The following CTNNA2 variants were observed in gnomAD, a reference collection of about 807,000 sequenced individuals.
The protein encoded by CTNNA2 is catenin alpha 2, also known as catenin alpha-2.
A neutral mutation model predicts 101.0 loss-of-function variants in CTNNA2; 42 were observed. That is an observed-to-expected ratio of 0.42 (90% CI 0.32 to 0.54). The LOEUF (loss-of-function observed/expected upper bound fraction) is 0.54, where lower values mean the gene tolerates loss of function less well. Ranked by LOEUF, CTNNA2 falls within the 20% of genes least tolerant of loss-of-function variation. The probability of loss-of-function intolerance (pLI) is 0.14; values close to 1 mark genes in which losing one functional copy is unlikely to be tolerated. For synonymous variants in CTNNA2, 450 were observed against 456.4 expected (o/e 0.99, Z 0.18); for missense variants, 871 against 1,223.1 (o/e 0.71, Z 4.29).
rs559857792 is a variant in CTNNA2, at chr2:80,102,742, C to G, written c.1056+192945C>G. On this transcript the variant is annotated intron_variant, in intron 7 of 18. Coordinates refer to ENST00000402739, the MANE Select transcript of CTNNA2 (RefSeq NM_001282597.3). ...GCTCAGGCTGGTCTTGAACTCCTGA[C>G]TTCAAGTGATCCGCCAGCCTCAGCC... Among the ~76,000 whole-genome samples the G allele has an allele frequency of 2.6e-5, 4 of 152,208 alleles. No homozygotes were observed. The South Asian group carries it at 8.3e-4, about 32-fold the overall frequency.
chr2:80,124,434 A>G (rs1702008256), intron 7 of CTNNA2, among the ~76,000 whole-genome samples: 1 of 152,162 alleles, frequency 6.6e-6, no homozygotes, highest in Non-Finnish European at 1.5e-5. Context: ...AGAGTCCTTA[A>G]AAGAATTTCC....
chr2:80,369,292 G>C (rs1675236604), intron 7 of CTNNA2, among the ~76,000 whole-genome samples: 1 of 151,996 alleles, frequency 6.6e-6, no homozygotes, highest in Non-Finnish European at 1.5e-5. Context: ...CGTTTAGAAA[G>C]GACACTTAAA....
At chr2:79,646,554 G>T (rs1270712373) in intron 1 of CTNNA2, among the ~76,000 whole-genome samples, 6 of 136,826 alleles carry the variant, frequency 4.4e-5, no homozygotes, top group African/African-American at 1.7e-4. Context: ...TTTGAGAAAG[G>T]ATCTCATTCT....
intron 2 of CTNNA2, among the ~76,000 whole-genome samples, chr2:79,241,141 T>C (rs1234569197): frequency 1.3e-5 from 2 of 152,218 alleles, no homozygotes; most frequent in African/African-American, 4.8e-5. Flanking sequence ...ATTGATCCAT[T>C]GTATTCATTA....
intron 3 of CTNNA2, among the ~76,000 whole-genome samples, chr2:79,330,829 T>A (rs1676854960): frequency 1.3e-5 from 2 of 152,194 alleles, no homozygotes; most frequent in African/African-American, 4.8e-5. Flanking sequence ...CATGTGGAAC[T>A]GTAAGTCAAT....
chr2:80,438,515 T>C (rs1285279551), intron 9 of CTNNA2, among the ~76,000 whole-genome samples: 2 of 152,222 alleles, frequency 1.3e-5, no homozygotes, highest in African/African-American at 4.8e-5. Flanking sequence ...TTACTCATTA[T>C]TTATGCCAAT....
intron 12 of CTNNA2, chr2:80,573,219 T>C (rs998966272): frequency 7.9e-5 from 12 of 152,170 alleles, no homozygotes; most frequent in African/African-American, 2.9e-4. Context: ...GCTGAGAAAA[T>C]TGAATTATAA....
At chr2:79,234,447 C>T (rs1262961494) in intron 2 of CTNNA2, among the ~76,000 whole-genome samples, 1 of 152,168 alleles carries the variant, frequency 6.6e-6, no homozygotes, top group African/African-American at 2.4e-5. Context: ...ACCTACCTTT[C>T]TCTCTAGCTG....
intron 4 of CTNNA2, among the ~76,000 whole-genome samples, chr2:79,394,306 C>G (rs1319323396): frequency 6.6e-6 from 1 of 152,304 alleles, no homozygotes; most frequent in African/African-American, 2.4e-5. Flanking sequence ...CTCCTGGCAG[C>G]ACAGCTGCTT....
At chr2:80,196,120 T>A (rs1706814699) in intron 7 of CTNNA2, among the ~76,000 whole-genome samples, 1 of 152,190 alleles carries the variant, frequency 6.6e-6, no homozygotes, top group Non-Finnish European at 1.5e-5. Flanking sequence ...TCTTTTTTTG[T>A]AAAATGCATG....
intron 7 of CTNNA2, among the ~76,000 whole-genome samples, chr2:80,000,497 T>A (rs1692868945): frequency 6.6e-6 from 1 of 152,144 alleles, no homozygotes; most frequent in Non-Finnish European, 1.5e-5. Context: ...GACAGCATTT[T>A]AAAAAACTCT....
At chr2:80,571,517 A>G (rs1013935114) in intron 12 of CTNNA2, among the ~76,000 whole-genome samples, 1 of 152,228 alleles carries the variant, frequency 6.6e-6, no homozygotes, top group African/African-American at 2.4e-5. Context: ...GGTAACTACT[A>G]TATTTAAAGT....
At chr2:80,496,472 C>A (rs1241892684) in intron 9 of CTNNA2, among the ~76,000 whole-genome samples, 1 of 148,880 alleles carries the variant, frequency 6.7e-6, no homozygotes, top group East Asian at 2.0e-4. Context: ...ATGAGAGGAA[C>A]GTGACTTGGA....
chr2:79,330,474 G>T (rs922049485), intron 3 of CTNNA2, among the ~76,000 whole-genome samples: 13 of 152,118 alleles, frequency 8.5e-5, no homozygotes, highest in African/African-American at 2.9e-4. Flanking sequence ...CCCTGACTTT[G>T]TCTCCTCAGC....
chr2:79,934,951 A>G (rs1029225980), intron 7 of CTNNA2, among the ~76,000 whole-genome samples: 1 of 152,240 alleles, frequency 6.6e-6, no homozygotes, highest in African/African-American at 2.4e-5. Flanking sequence ...ATAGGGCTCA[A>G]TAGTTATTTG....
chr2:80,392,565 TA>T (rs1312423641), intron 7 of CTNNA2, among the ~76,000 whole-genome samples: 1 of 152,086 alleles, frequency 6.6e-6, no homozygotes, highest in African/African-American at 2.4e-5. Flanking sequence ...AACAATTTAT[TA>T]AAGAACACTT....
chr2:80,264,640 A>G (rs1457685142), intron 7 of CTNNA2, among the ~76,000 whole-genome samples: 2 of 152,138 alleles, frequency 1.3e-5, no homozygotes, highest in Admixed American at 1.3e-4. Flanking sequence ...TTTTCTCCCT[A>G]TTAAAATGAA....
At chr2:79,223,836 T>C (rs886725494) in intron 2 of CTNNA2, among the ~76,000 whole-genome samples, 3 of 152,202 alleles carry the variant, frequency 2.0e-5, no homozygotes, top group Non-Finnish European at 4.4e-5. Flanking sequence ...CTCCAAGACA[T>C]GAGAATTGTT....
At chr2:80,128,042 C>A (rs997234927) in intron 7 of CTNNA2, among the ~76,000 whole-genome samples, 1 of 151,756 alleles carries the variant, frequency 6.6e-6, no homozygotes, top group African/African-American at 2.4e-5. Flanking sequence ...ATAAAATATG[C>A]TGATGAAAGT....
Sources: allele counts gnomAD v4.1 joint callset (sites outside exome capture counted in the v4.1 genomes callset), GRCh38; gene constraint gnomAD v4.1.1; transcripts MANE v1.5; gene names NCBI Gene and HGNC (gene_info 2026-07-23, HGNC 2026-07-21).